The following RALGPS2 variants were observed in gnomAD, a reference collection of about 807,000 sequenced individuals.
RALGPS2 encodes the protein ras-specific guanine nucleotide-releasing factor RalGPS2.
Under a neutral mutation model 86.8 loss-of-function variants are expected in RALGPS2, and 43 were observed. The ratio of observed to expected loss-of-function variants is 0.50; its 90% CI spans 0.39 to 0.64. The LOEUF is 0.64. RALGPS2 is among the 30% of genes least tolerant of loss of function. The pLI, the probability that RALGPS2 is intolerant of heterozygous loss-of-function variation, is 0.00. For missense variants in RALGPS2, 536 were observed against 694.6 expected, an observed-to-expected ratio of 0.77 and a Z score of 2.57; for synonymous variants, 243 against 231.3, an observed-to-expected ratio of 1.05 and a Z score of -0.46.
At chr1:178,882,045 A>C (rs61642301) in intron 10 of RALGPS2, among the ~76,000 whole-genome samples, 3 of 152,182 alleles carry the variant, frequency 2.0e-5, no homozygotes, top group African/African-American at 7.2e-5. Flanking sequence ...AATACTGAAC[A>C]TATCTGTTCT....
At chr1:178,856,420 T>TTTTTTTTTG (rs1558152822) in intron 8 of RALGPS2, among the ~76,000 whole-genome samples, 3 of 120,574 alleles carry the variant, frequency 2.5e-5, no homozygotes, top group African/African-American at 1.0e-4. Flanking sequence ...TTTTTTTTTT[T>TTTTTTTTTG]TTTTTTGAGA....
At chr1:178,755,313 G>A (rs938841288) in intron 1 of RALGPS2, among the ~76,000 whole-genome samples, 1 of 152,118 alleles carries the variant, frequency 6.6e-6, no homozygotes, top group Non-Finnish European at 1.5e-5. Context: ...TTACCTAGTA[G>A]TTAGTTTTTC....
At chr1:178,871,992 C>T (rs894720388) in intron 8 of RALGPS2, among the ~76,000 whole-genome samples, 3 of 152,208 alleles carry the variant, frequency 2.0e-5, no homozygotes, top group Non-Finnish European at 4.4e-5. Flanking sequence ...GCTGAAGAAA[C>T]ACAAACTTAG....
At chr1:178,833,893 C>A (rs1160094974) in intron 8 of RALGPS2, among the ~76,000 whole-genome samples, 3 of 152,048 alleles carry the variant, frequency 2.0e-5, no homozygotes, top group African/African-American at 7.2e-5. Context: ...TGATCAAAGT[C>A]CTTATATAGT....
At chr1:178,832,893 A>G (rs1400490453) in intron 7 of RALGPS2, among the ~76,000 whole-genome samples, 1 of 151,974 alleles carries the variant, frequency 6.6e-6, no homozygotes, top group Non-Finnish European at 1.5e-5. Context: ...TGTATGTGAT[A>G]TAGCACTGAT....
At chr1:178,760,996 T>G (rs543818921) in intron 1 of RALGPS2, among the ~76,000 whole-genome samples, 2 of 151,172 alleles carry the variant, frequency 1.3e-5, no homozygotes, top group Admixed American at 6.6e-5. Flanking sequence ...TTTTTTTTTT[T>G]GAGAGTCTTG....
intron 1 of RALGPS2, among the ~76,000 whole-genome samples, chr1:178,731,285 T>TTTTG (rs1650341158): frequency 8.5e-6 from 1 of 117,292 alleles, no homozygotes; most frequent in Non-Finnish European, 1.7e-5. Context: ...TTTTTTTTTT[T>TTTTG]TTTTTTTTTT....
intron 8 of RALGPS2, chr1:178,865,086 G>A (rs779917349): frequency 3.2e-6 from 5 of 1,554,610 alleles, no homozygotes; most frequent in Non-Finnish European, 2.6e-6. Flanking sequence ...AGCAGACCAG[G>A]AGTATACTGT....
intron 1 of RALGPS2, among the ~76,000 whole-genome samples, chr1:178,766,820 G>A (rs1652530325): frequency 1.3e-5 from 2 of 152,210 alleles, no homozygotes; most frequent in South Asian, 2.1e-4. Context: ...AATGTTCATG[G>A]ATAATATCTT....
At chr1:178,757,198 C>T (rs1285837634) in intron 1 of RALGPS2, among the ~76,000 whole-genome samples, 2 of 151,990 alleles carry the variant, frequency 1.3e-5, no homozygotes, top group Non-Finnish European at 2.9e-5. Flanking sequence ...TGTAGGAGCC[C>T]GTTTGCGGTC....
intron 13 of RALGPS2, among the ~76,000 whole-genome samples, chr1:178,886,763 T>C (rs1442446046): frequency 2.6e-5 from 4 of 151,958 alleles, no homozygotes; most frequent in Non-Finnish European, 1.5e-5. Flanking sequence ...CAAAGGAAAC[T>C]AAAAAGGAGA....
chr1:178,884,420 G>A (rs1202505980), intron 11 of RALGPS2, among the ~76,000 whole-genome samples: 6 of 152,012 alleles, frequency 3.9e-5, no homozygotes, highest in Admixed American at 1.3e-4. Flanking sequence ...ATAGGCCTTC[G>A]CACTAAGTTT....
At chr1:178,757,786 C>T (rs1652030204) in intron 1 of RALGPS2, among the ~76,000 whole-genome samples, 1 of 152,112 alleles carries the variant, frequency 6.6e-6, no homozygotes, top group Non-Finnish European at 1.5e-5. Flanking sequence ...GTTTTGGTAT[C>T]AAGGTGATGC....
chr1:178,815,019 C>T lies in RALGPS2; in HGVS notation c.387+3615C>T, dbSNP rs536889517. 7.9e-5 allele frequency among the ~76,000 whole-genome samples: 12 copies of T among 152,152 alleles called. No individual in the cohort carries two copies. In the East Asian group the frequency reaches 2.3e-3, roughly 29 times the overall value. On this transcript the variant is annotated intron_variant, in intron 6 of 19. Transcript: ENST00000367635. ...GAAAGGTCTGTTTAAGATCTTTCAG[C>T]AGTTTTCTGTTTTGGTATTGGTCTT... is the stretch of plus-strand genomic sequence containing the variant.
intron 7 of RALGPS2, among the ~76,000 whole-genome samples, chr1:178,828,978 G>T (rs139550817): frequency 2.2e-4 from 33 of 152,240 alleles, no homozygotes; most frequent in Non-Finnish European, 4.1e-4. Context: ...TCCTATGTTC[G>T]TTGCAGCATT....
intron 8 of RALGPS2, among the ~76,000 whole-genome samples, chr1:178,834,643 C>G (rs1656181841): frequency 6.6e-6 from 1 of 152,168 alleles, no homozygotes; most frequent in African/African-American, 2.4e-5. Flanking sequence ...AATATTTTGT[C>G]CTGTTTCTTT....
At chr1:178,776,624 G>C in intron 1 of RALGPS2, 58 bp from the exon 2 acceptor site, 1 of 543,702 alleles carries the variant, frequency 1.8e-6, no homozygotes, top group Non-Finnish European at 3.2e-6. Flanking sequence ...GGTAGGCATA[G>C]AGTTGTTTTC....
At position 178,821,853 on chromosome 1, in the gene RALGPS2, C is replaced by T. The variant is rs1655522723; in HGVS notation, c.480+149C>T. On this transcript the variant is annotated intron_variant, in intron 7 of 19. Transcript: ENST00000367635. Reference sequence around the variant, plus strand: ...TTTGTACTCTATTCTTTGATACCTACATTTTTTCTCCTTAAGCAGTGCACT... The same window carrying T: ...TTTGTACTCTATTCTTTGATACCTATATTTTTTCTCCTTAAGCAGTGCACT... The T allele has an allele frequency of 4.4e-6, 3 of 687,736 alleles. No homozygotes were observed. In the African/African-American group the frequency reaches 5.5e-5, roughly 13 times the overall value. The allele number at this position is 687,736 out of a possible 1,614,324, so 42.6% of individuals were successfully genotyped here.
In RALGPS2 at chr1:178,796,084, T is replaced by C. The variant is rs1024629937; in HGVS notation, c.213+10477T>C. On this transcript the variant is annotated intron_variant, in intron 4 of 19. Transcript: ENST00000367635. ...CATCACTGTGAACTTCTTTAATATA[T>C]AATAAGATAAGGCTTAGATTAGGAT... Among the ~76,000 whole-genome samples, 13 of 152,280 alleles carry C rather than the reference T, an allele frequency of 8.5e-5. 1 individual carries two copies. In the South Asian group the frequency reaches 2.3e-3, roughly 27 times the overall value.
Sources: gnomAD v4.1 joint callset for allele counts (sites outside exome capture counted in the v4.1 genomes callset) on GRCh38, gnomAD v4.1.1 for gene constraint, MANE v1.5 for transcripts, NCBI Gene and HGNC (gene_info 2026-07-23, HGNC 2026-07-21) for gene names.